PLCD4: variants seen among roughly 807,000 people sequenced by gnomAD.
The protein encoded by PLCD4 is 1-phosphatidylinositol 4,5-bisphosphate phosphodiesterase delta-4.
PLCD4 carries 63 observed loss-of-function variants against 90.2 expected under a neutral mutation model. The ratio of observed to expected loss-of-function variants is 0.70; its 90% CI spans 0.57 to 0.86. The LOEUF (loss-of-function observed/expected upper bound fraction) is 0.86, where lower values mean the gene tolerates loss of function less well. Ranked by LOEUF, PLCD4 falls within the 40% of genes least tolerant of loss-of-function variation. The probability of loss-of-function intolerance (pLI) is 0.00; values close to 1 mark genes in which losing one functional copy is unlikely to be tolerated. For synonymous variants in PLCD4, 294 were observed against 356.5 expected (o/e 0.82, Z 1.97); for missense variants, 830 against 956.3 (o/e 0.87, Z 1.74).
intron 4 of PLCD4, 136 bp from the exon 5 acceptor site, chr2:218,621,334 C>A: frequency 1.0e-6 from 1 of 995,698 alleles, no homozygotes; most frequent in South Asian, 1.5e-5. Context: ...ATTCTAGAAG[C>A]TGTGTGGAGA....
At position 218,632,131 on chromosome 2, in the gene PLCD4, C is replaced by A; in HGVS notation, c.1273-5C>A. The A allele has an allele frequency of 6.2e-7, 1 of 1,600,198 alleles. No homozygotes were observed. Among genetic ancestry groups the A allele is most frequent in the East Asian group, 2.2e-5 (1 of 44,612 alleles). On this transcript the variant is annotated splice_polypyrimidine_tract_variant and splice_region_variant and intron_variant, in intron 9 of 15. Coordinates refer to ENST00000450993, the MANE Select transcript of PLCD4 (RefSeq NM_032726.4). ...TAGACAGGCCCCTTCATTTTTGTCC[C>A]CTAGGAGCTTCGGAGGAAGATCCTG...
chr2:218,624,650 G>A (rs1342204304), intron 6 of PLCD4, among the ~76,000 whole-genome samples: 1 of 150,384 alleles, frequency 6.6e-6, no homozygotes, highest in Non-Finnish European at 1.5e-5. Flanking sequence ...AACTCGGGAG[G>A]TGGAGGCTGT....
Position 218,622,651 on chromosome 2 carries a change from C to T in PLCD4, c.545C>T (p.Ala182Val). 2 of 1,612,242 alleles carry T rather than the reference C, an allele frequency of 1.2e-6. No homozygotes were observed. Among genetic ancestry groups the T allele is most frequent in the South Asian group, 1.1e-5 (1 of 90,960 alleles). Residue 182 changes from alanine to valine, a missense_variant, in exon 6 of 16, where the codon GCA becomes GTA. Coordinates refer to ENST00000450993, the MANE Select transcript of PLCD4 (RefSeq NM_032726.4). Reference protein sequence around the residue: ...QEYAFSLFQAADTSQSGTLEG... With the variant: ...QEYAFSLFQAVDTSQSGTLEG... ...TCCCCTAAACCTCTCTTGCAGGCAG[C>T]AGACACGTCCCAGTCTGGAACCCTG...
At chr2:218,632,024 C>T in intron 9 of PLCD4, 112 bp from the exon 10 acceptor site, 1 of 1,207,190 alleles carries the variant, frequency 8.3e-7, no homozygotes, top group Non-Finnish European at 1.1e-6. Flanking sequence ...CCCTCGGGAA[C>T]TTCCGACCAC....
chr2:218,618,113 C>G (rs1356438986), intron 3 of PLCD4, among the ~76,000 whole-genome samples: 1 of 151,914 alleles, frequency 6.6e-6, no homozygotes, highest in Non-Finnish European at 1.5e-5. Flanking sequence ...AACAAACAAA[C>G]AAACAAACCT....
chr2:218,622,012 A>T (rs2106137938), intron 5 of PLCD4, among the ~76,000 whole-genome samples: 1 of 144,154 alleles, frequency 6.9e-6, no homozygotes, highest in East Asian at 2.2e-4. Flanking sequence ...CCCGGGAGGC[A>T]GTGCTTGCAG....
At chr2:218,612,011 C>T (rs1421210922) in intron 1 of PLCD4, among the ~76,000 whole-genome samples, 1 of 152,050 alleles carries the variant, frequency 6.6e-6, no homozygotes, top group Non-Finnish European at 1.5e-5. Context: ...TCATTGCAAC[C>T]TCTGCCTCCT....
intron 1 of PLCD4, among the ~76,000 whole-genome samples, chr2:218,613,932 C>T (rs1348962824): frequency 6.6e-6 from 1 of 152,044 alleles, no homozygotes; most frequent in Non-Finnish European, 1.5e-5. Flanking sequence ...TTTTCTAGTC[C>T]TTTTCAAGGG....
chr2:218,618,673 C>T lies in PLCD4; in HGVS notation c.276C>T (p.Thr92=), dbSNP rs1695735102. The change falls in exon 4 of 16, where the codon ACC becomes ACT. Residue 92 remains threonine, a synonymous_variant. Coordinates refer to ENST00000450993, the MANE Select transcript of PLCD4 (RefSeq NM_032726.4). ...AGCTCCCCCTGGAGCAGGGCTTCACCATTGTCTTCCATGGCCGCCGCTCCA... is the reference window on the plus strand; with the variant it reads ...AGCTCCCCCTGGAGCAGGGCTTCACTATTGTCTTCCATGGCCGCCGCTCCA... ...AEELPLEQGF[T]IVFHGRRSNL... 2 of 1,613,854 alleles carry T rather than the reference C, an allele frequency of 1.2e-6. No individual in the cohort carries two copies. The highest frequency in any genetic ancestry group is 8.5e-7 in the Non-Finnish European group (1 of 1,179,882).
At chr2:218,626,802 A>C (rs2106147597) in intron 6 of PLCD4, among the ~76,000 whole-genome samples, 1 of 152,330 alleles carries the variant, frequency 6.6e-6, no homozygotes, top group East Asian at 1.9e-4. Context: ...ATAGTTAGTC[A>C]CAGGTACACA....
In PLCD4 at chr2:218,611,655, A is replaced by G. The variant is rs1349557209; in HGVS notation, c.-34+3585A>G. On this transcript the variant is annotated intron_variant, in intron 1 of 15. Transcript: ENST00000450993. ...ACTCCGTCACCCAGGCTGGAGTGTAATGGTGCAATCTCGGCTCACTGCAAC... is the reference window on the plus strand; with the variant it reads ...ACTCCGTCACCCAGGCTGGAGTGTAGTGGTGCAATCTCGGCTCACTGCAAC... Among the ~76,000 whole-genome samples, 3 of 152,116 alleles carry G rather than the reference A, an allele frequency of 2.0e-5. No homozygotes were observed. In the East Asian group the frequency reaches 5.8e-4, roughly 29 times the overall value.
intron 8 of PLCD4, among the ~76,000 whole-genome samples, chr2:218,629,956 T>C (rs1696288252): frequency 6.6e-6 from 1 of 152,172 alleles, no homozygotes. Flanking sequence ...GGCGGGTGGA[T>C]CACCTGAGGT....
rs145252562 is a variant in PLCD4 at position 218,635,883 on chromosome 2, G to A, written c.1984G>A (p.Val662Ile). Residue 662 changes from valine (V) to isoleucine (I), a missense_variant, in exon 14 of 16, where the codon GTT (valine) becomes ATT (isoleucine). Val to Ile is a conservative substitution (Grantham distance 29, BLOSUM62 3). Coordinates refer to ENST00000450993, the MANE Select transcript of PLCD4 (RefSeq NM_032726.4). ...ACTGGTGAAAGTGCAGATCTTTGGC[G>A]TTCGTCTAGACACAGCACGGCAGGA... ...DPLVKVQIFGVRLDTARQETN... is the reference protein window; with the variant it reads ...DPLVKVQIFGIRLDTARQETN... 233 of 1,613,976 alleles carry A rather than the reference G, an allele frequency of 1.4e-4. 1 individual carries two copies. In the East Asian group the frequency reaches 2.0e-3, roughly 14 times the overall value.
intron 3 of PLCD4, among the ~76,000 whole-genome samples, chr2:218,618,146 G>C (rs1695707329): frequency 6.6e-6 from 1 of 152,164 alleles, no homozygotes; most frequent in Non-Finnish European, 1.5e-5. Flanking sequence ...CTGGACTTGG[G>C]CATATAATGC....
chr2:218,608,928 G>T (rs1695207169), intron 1 of PLCD4, among the ~76,000 whole-genome samples: 1 of 151,930 alleles, frequency 6.6e-6, no homozygotes. Flanking sequence ...CACGAGGTCA[G>T]GAGATTGAGA....
At chr2:218,625,541 C>T (rs971997629) in intron 6 of PLCD4, among the ~76,000 whole-genome samples, 2 of 152,204 alleles carry the variant, frequency 1.3e-5, no homozygotes, top group African/African-American at 4.8e-5. Flanking sequence ...CTAACTAACT[C>T]AGTTTCCTCA....
intron 1 of PLCD4, among the ~76,000 whole-genome samples, chr2:218,611,081 A>C (rs1695313898): frequency 6.6e-6 from 1 of 152,092 alleles, no homozygotes; most frequent in South Asian, 2.1e-4. Flanking sequence ...CTCTGGCACT[A>C]ATTCTTTTTA....
rs1696808958 is a variant in PLCD4 at position 218,637,086 on chromosome 2, G to A, written c.*509G>A. On this transcript the variant is annotated 3_prime_UTR_variant, in exon 16 of 16. Coordinates refer to ENST00000450993, the MANE Select transcript of PLCD4 (RefSeq NM_032726.4). Reference sequence around the variant, plus strand: ...AGACTTGACCCCAGGACTGTACTACGACTCTTAAGAGAACACTGCACAGCA... The same window carrying A: ...AGACTTGACCCCAGGACTGTACTACAACTCTTAAGAGAACACTGCACAGCA... 5.5e-6 allele frequency: 2 copies of A among 366,686 alleles called. No individual in the cohort carries two copies. Among genetic ancestry groups the A allele is most frequent in the South Asian group, 2.1e-5 (1 of 47,342 alleles). 22.7% of individuals were successfully genotyped at this position (366,686 alleles called of 1,614,324 possible).
chr2:218,631,777 G>A (rs991571678), intron 9 of PLCD4, among the ~76,000 whole-genome samples: 5 of 150,118 alleles, frequency 3.3e-5, no homozygotes, highest in Admixed American at 6.6e-5. Flanking sequence ...GGGCGACAGT[G>A]CGAGACTCCG....
Sources: gnomAD v4.1 joint callset for allele counts (sites outside exome capture counted in the v4.1 genomes callset) on GRCh38, gnomAD v4.1.1 for gene constraint, MANE v1.5 for transcripts, NCBI Gene and HGNC (gene_info 2026-07-23, HGNC 2026-07-21) for gene names.